The following TJP2 variants were observed in gnomAD, a reference collection of about 807,000 sequenced individuals.
TJP2 encodes Friedreich ataxia region gene X104 (tight junction protein ZO-2).
Under a neutral mutation model 133.1 loss-of-function variants are expected in TJP2, and 91 were observed. That is an observed-to-expected ratio of 0.68 (90% CI 0.58 to 0.81). The LOEUF (loss-of-function observed/expected upper bound fraction) is 0.81, where lower values mean the gene tolerates loss of function less well. Among genes scored for constraint, TJP2 ranks in the 40% least tolerant of loss-of-function variants. TJP2 has a pLI of 0.00. For missense variants in TJP2, 1,541 were observed against 1,565.6 expected, an observed-to-expected ratio of 0.98 and a Z score of 0.26; for synonymous variants, 592 against 583.4, an observed-to-expected ratio of 1.01 and a Z score of -0.21.
intron 1 of TJP2, among the ~76,000 whole-genome samples, chr9:69,131,723 T>G (rs552905696): frequency 6.6e-6 from 1 of 152,312 alleles, no homozygotes; most frequent in South Asian, 2.1e-4. Context: ...AATTTGCCTT[T>G]GATCCCACTC....
chr9:69,248,020 G>T lies in TJP2; in HGVS notation c.2676G>T (p.Gly892=), dbSNP rs377138769. 2 of 1,605,442 alleles carry T rather than the reference G, an allele frequency of 1.2e-6. No individual in the cohort carries two copies. Among genetic ancestry groups the T allele is most frequent in the Non-Finnish European group, 1.7e-6 (2 of 1,174,336 alleles). ...AVWVSEGKME[G]MDDDPEDRMS... ...AACACAAATTCCTCTAGATGGAAGGGATGGATGATGACCCCGAAGACCGCA... is the reference window on the plus strand; with the variant it reads ...AACACAAATTCCTCTAGATGGAAGGTATGGATGATGACCCCGAAGACCGCA... The change falls in exon 19 of 23, where the codon GGG becomes GGT. Residue 892 remains glycine (G), a synonymous_variant. Transcript: ENST00000377245.
intron 1 of TJP2, among the ~76,000 whole-genome samples, chr9:69,133,485 C>T (rs1822585358): frequency 6.6e-6 from 1 of 151,580 alleles, no homozygotes; most frequent in Non-Finnish European, 1.5e-5. Flanking sequence ...CACAAGCCTG[C>T]ATTCCTGCCA....
At chr9:69,145,622 G>A in intron 1 of TJP2, 1 of 848,924 alleles carries the variant, frequency 1.2e-6, no homozygotes, top group Non-Finnish European at 1.6e-6. Context: ...CAAAGGAACA[G>A]CAGCTTCCAT....
chr9:69,200,088 T>A (rs1022416206), intron 1 of TJP2, among the ~76,000 whole-genome samples: 4 of 152,228 alleles, frequency 2.6e-5, no homozygotes, highest in African/African-American at 9.6e-5. Context: ...TTAAGCTGTT[T>A]TGACATGTCT....
chr9:69,161,394 A>G (rs891449097), intron 2 of TJP2, among the ~76,000 whole-genome samples: 1 of 152,044 alleles, frequency 6.6e-6, no homozygotes, highest in African/African-American at 2.4e-5. Flanking sequence ...ACACCCAGCT[A>G]ATTTTTCTAT....
At chr9:69,181,520 T>G (rs1283737007) in intron 1 of TJP2, among the ~76,000 whole-genome samples, 1 of 152,202 alleles carries the variant, frequency 6.6e-6, no homozygotes, top group Non-Finnish European at 1.5e-5. Flanking sequence ...AGTGCTGGGA[T>G]TATAGGCATG....
At chr9:69,141,066 G>T (rs1179981353) in intron 1 of TJP2, among the ~76,000 whole-genome samples, 1 of 152,084 alleles carries the variant, frequency 6.6e-6, no homozygotes, top group Non-Finnish European at 1.5e-5. Context: ...GGCCAGGCTG[G>T]TCTTGAACTC....
intron 17 of TJP2, 49 bp downstream of exon 17, chr9:69,240,196 G>T (rs1377161731): frequency 2.7e-6 from 4 of 1,467,870 alleles, no homozygotes; most frequent in Non-Finnish European, 3.7e-6. Context: ...GAGAAATAAA[G>T]AATTGAAGAG....
chr9:69,171,313 C>T (rs754836640), upstream of TJP2, among the ~76,000 whole-genome samples: 2 of 152,136 alleles, frequency 1.3e-5, no homozygotes, highest in Non-Finnish European at 2.9e-5. Context: ...TTCATAGCCA[C>T]GTCATCTCTC....
chr9:69,185,941 G>A (rs1429679072), intron 1 of TJP2, among the ~76,000 whole-genome samples: 4 of 118,240 alleles, frequency 3.4e-5, no homozygotes, highest in African/African-American at 9.6e-5. Context: ...CTAATTTTTT[G>A]TATTTTTTAG....
intron 1 of TJP2, 78 bp downstream of exon 1, chr9:69,174,510 G>A: frequency 6.9e-7 from 1 of 1,446,980 alleles, no homozygotes; most frequent in Non-Finnish European, 9.5e-7. Context: ...CTCTGCTCGC[G>A]TGCTGCTCTG....
At chr9:69,249,234 T>C in intron 19 of TJP2, 141 bp from the exon 20 acceptor site, 1 of 1,496,574 alleles carries the variant, frequency 6.7e-7, no homozygotes, top group Non-Finnish European at 8.9e-7. Context: ...TGATGGTTTC[T>C]GCCTGTTCAG....
chr9:69,144,583 T>A (rs575426899), intron 1 of TJP2, among the ~76,000 whole-genome samples: 286 of 152,356 alleles, frequency 1.9e-3, no homozygotes, highest in South Asian at 1.5e-3. Flanking sequence ...CAACTAAAAT[T>A]AAATTTCACA....
chr9:69,184,744 TC>T (rs1825732977), intron 1 of TJP2, among the ~76,000 whole-genome samples: 1 of 146,932 alleles, frequency 6.8e-6, no homozygotes, highest in African/African-American at 2.5e-5. Flanking sequence ...TTTCTCTCTC[TC>T]TCTCTTCTTT....
chr9:69,240,076 C>T lies in TJP2; in HGVS notation c.2495C>T (p.Ser832Phe), dbSNP rs200527346. 2 of 1,613,924 alleles carry T rather than the reference C, an allele frequency of 1.2e-6. No homozygotes were observed. The highest frequency in any genetic ancestry group is 2.2e-5 in the East Asian group (1 of 44,858). The change falls in exon 17 of 23, where the codon TCC becomes TTC. Residue 832 changes from serine to phenylalanine, a missense_variant. By Grantham distance (155) the Ser-to-Phe change is radical (BLOSUM62 -2). Transcript: ENST00000377245. ...KTMRQRLNPT[S>F]NKSSRKLFDQ... ...ATGAGACAAAGGTTAAATCCAACGT[C>T]CAACAAAAGTTCTCGAAAGTTATTT...
chr9:69,133,415 C>T (rs1162073353), intron 1 of TJP2, among the ~76,000 whole-genome samples: 2 of 152,188 alleles, frequency 1.3e-5, no homozygotes, highest in Non-Finnish European at 2.9e-5. Context: ...GCGTCTGCTG[C>T]ATCTTCACTC....
At chr9:69,154,145 A>G (rs1349843547) in intron 2 of TJP2, among the ~76,000 whole-genome samples, 1 of 152,240 alleles carries the variant, frequency 6.6e-6, no homozygotes, top group African/African-American at 2.4e-5. Flanking sequence ...TTCCAAGTTC[A>G]GTGAGATTTG....
intron 1 of TJP2, among the ~76,000 whole-genome samples, chr9:69,196,946 T>TCACACACACACAC (rs796739890): frequency 2.2e-5 from 3 of 134,170 alleles, no homozygotes; most frequent in Non-Finnish European, 3.3e-5. Context: ...TGTGTGTGTG[T>TCACACACACACAC]ACACACACAC....
At chr9:69,182,734 T>C (rs1240811343) in intron 1 of TJP2, among the ~76,000 whole-genome samples, 1 of 152,076 alleles carries the variant, frequency 6.6e-6, no homozygotes, top group Non-Finnish European at 1.5e-5. Flanking sequence ...AATTTATATG[T>C]ATGTATATAC....
Sources: gnomAD v4.1 joint callset for allele counts (sites outside exome capture counted in the v4.1 genomes callset) on GRCh38, gnomAD v4.1.1 for gene constraint, MANE v1.5 for transcripts, NCBI Gene and HGNC (gene_info 2026-07-23, HGNC 2026-07-21) for gene names.